Variants in TLDC2 observed in about 807,000 individuals in gnomAD.
The protein encoded by TLDC2 is TBC/LysM-associated domain containing 2.
Under a neutral mutation model 27.9 loss-of-function variants are expected in TLDC2, and 23 were observed. The ratio of observed to expected loss-of-function variants is 0.82; its 90% CI spans 0.59 to 1.17. The LOEUF is 1.17. TLDC2 is among the 50% of genes most tolerant of loss of function. TLDC2 has a pLI of 0.00. For missense variants in TLDC2, 286 were observed against 273.4 expected, an observed-to-expected ratio of 1.05 and a Z score of -0.32; for synonymous variants, 124 against 107.4, an observed-to-expected ratio of 1.16 and a Z score of -0.96.
intron 4 of TLDC2, among the ~76,000 whole-genome samples, chr20:36,884,494 C>T (rs888228120): frequency 8.6e-5 from 13 of 151,982 alleles, no homozygotes; most frequent in Non-Finnish European, 1.2e-4. Flanking sequence ...TGGTGGCTCA[C>T]GTCTGTAATC....
chr20:36,890,416 T>C (rs1055236178), intron 6 of TLDC2: 1 of 150,800 alleles, frequency 6.6e-6, no homozygotes, highest in African/African-American at 2.4e-5. Flanking sequence ...CTTTCTTTCT[T>C]TCTTTTCTTT....
At position 36,893,298 on chromosome 20, in the gene TLDC2, A is replaced by G; in HGVS notation, c.*454A>G. The G allele has an allele frequency of 1.7e-6, 1 of 581,650 alleles. No individual in the cohort carries two copies. The highest frequency in any genetic ancestry group is 2.9e-5 in the Admixed American group (1 of 33,960). 36.0% of individuals were successfully genotyped at this position (581,650 alleles called of 1,614,324 possible). ...TGAAAACAGCCACTGGCCTCTGCAG[A>G]GATGACTGGGAGCAGCATACCACTG... On this transcript the variant is annotated 3_prime_UTR_variant, in exon 7 of 7. Coordinates refer to ENST00000217320, the MANE Select transcript of TLDC2 (RefSeq NM_080628.3).
In TLDC2 at chr20:36,877,889, G is replaced by A. The variant is rs1267429348; in HGVS notation, c.34-10G>A. On this transcript the variant is annotated splice_polypyrimidine_tract_variant and intron_variant, in intron 1 of 6. Transcript: ENST00000217320. ...CCCTGGACACACCAGGCCACTTTGTGTTTTTGCAGCCCAGCCAGGTGGAGG... is the reference window on the plus strand; with the variant it reads ...CCCTGGACACACCAGGCCACTTTGTATTTTTGCAGCCCAGCCAGGTGGAGG... 1.2e-6 allele frequency: 2 copies of A among 1,609,858 alleles called. No individual in the cohort carries two copies. Among genetic ancestry groups the A allele is most frequent in the South Asian group, 1.1e-5 (1 of 90,488 alleles).
intron 3 of TLDC2, among the ~76,000 whole-genome samples, chr20:36,880,071 A>ATATATATATATATATATATATG (rs1989770776): frequency 2.8e-4 from 9 of 32,402 alleles, no homozygotes; most frequent in Admixed American, 7.8e-4. Flanking sequence ...ATATATATAC[A>ATATATATATATATATATATATG]TATATATATA....
chr20:36,878,192 GCTT>G, intron 2 of TLDC2, 138 bp downstream of exon 2: 2 of 952,112 alleles, frequency 2.1e-6, no homozygotes, highest in Non-Finnish European at 1.5e-6. Context: ...CCGGCAAATT[GCTT>G]CTTCTCTCGG....
chr20:36,884,498 T>C (rs1477376041), intron 4 of TLDC2, among the ~76,000 whole-genome samples: 2 of 152,152 alleles, frequency 1.3e-5, no homozygotes, highest in Non-Finnish European at 2.9e-5. Context: ...GGCTCACGTC[T>C]GTAATCCCAG....
intron 4 of TLDC2, among the ~76,000 whole-genome samples, chr20:36,883,233 C>T (rs1342697039): frequency 6.6e-6 from 1 of 151,802 alleles, no homozygotes; most frequent in East Asian, 1.9e-4. Flanking sequence ...ACCTCCTGGG[C>T]TCAATTGATC....
intron 3 of TLDC2, among the ~76,000 whole-genome samples, chr20:36,880,103 T>A (rs1217552370): frequency 5.5e-4 from 3 of 5,480 alleles, no homozygotes; most frequent in East Asian, 3.1e-3. Flanking sequence ...ATATATATAC[T>A]TTTTTTTTGA....
intron 4 of TLDC2, among the ~76,000 whole-genome samples, chr20:36,881,501 GA>G (rs1175353809): frequency 6.6e-6 from 1 of 152,214 alleles, no homozygotes; most frequent in Non-Finnish European, 1.5e-5. Context: ...CGGAGCAGCA[GA>G]AGCGCCGCTG....
Position 36,878,665 on chromosome 20 carries a change from G to A in TLDC2, c.190-376G>A, listed in dbSNP as rs532415957. On this transcript the variant is annotated intron_variant, in intron 2 of 6. Transcript: ENST00000217320. The stretch of plus-strand genomic sequence containing the variant: ...CAAAGCTGGAGAGGGGTGGGCGGAT[G>A]AGACGGAGGATCAGGAGGAGGGTTC... Among the ~76,000 whole-genome samples, 6 of 152,142 alleles carry A rather than the reference G, an allele frequency of 3.9e-5. 1 individual carries two copies. Among genetic ancestry groups the A allele is most frequent in the Non-Finnish European group, 7.4e-5 (5 of 68,004 alleles).
Position 36,876,202 on chromosome 20 carries a change from C to G in TLDC2, c.28C>G (p.Arg10Gly), listed in dbSNP as rs757731171. ...GAGAGGCCTCCGCTGGCGTTACACT[C>G]GGCTGGTAAGGGTTCCAACTCCGTC... The part of the protein sequence containing the change: MRGLRWRYT[R>G]LPSQVEDTLS... Residue 10 changes from arginine to glycine, a missense_variant, in exon 1 of 7, where the codon CGG becomes GGG. Coordinates refer to ENST00000217320, the MANE Select transcript of TLDC2 (RefSeq NM_080628.3). The G allele has an allele frequency of 6.2e-7, 1 of 1,614,134 alleles. No individual in the cohort carries two copies. The highest frequency in any genetic ancestry group is 8.5e-7 in the Non-Finnish European group (1 of 1,179,994).
Position 36,887,547 on chromosome 20 carries a change from C to A in TLDC2, c.512+19C>A. ...GTGGCAGGTGAGTGTCTCAGTCTTCCCGAGTCTTGGGGCGGTCTGTGTTCT... is the reference window on the plus strand; with the variant it reads ...GTGGCAGGTGAGTGTCTCAGTCTTCACGAGTCTTGGGGCGGTCTGTGTTCT... On this transcript the variant is annotated intron_variant, in intron 5 of 6. Coordinates refer to ENST00000217320, the MANE Select transcript of TLDC2 (RefSeq NM_080628.3). 2 of 1,611,580 alleles carry A rather than the reference C, an allele frequency of 1.2e-6. No individual in the cohort carries two copies. Among genetic ancestry groups the A allele is most frequent in the South Asian group, 2.2e-5 (2 of 91,016 alleles).
chr20:36,880,307 T>G (rs1989785424), intron 3 of TLDC2, among the ~76,000 whole-genome samples: 1 of 151,672 alleles, frequency 6.6e-6, no homozygotes, highest in South Asian at 2.1e-4. Flanking sequence ...TTGGCCAGAT[T>G]GGTCTTGAAC....
chr20:36,880,742 C>A lies in TLDC2; in HGVS notation c.430C>A (p.Gln144Lys). The change falls in exon 4 of 7, where the codon CAG becomes AAG. Residue 144 changes from glutamine to lysine, a missense_variant. Coordinates refer to ENST00000217320, the MANE Select transcript of TLDC2 (RefSeq NM_080628.3). ...GETFLFSFSPQLKVFKWTGSN... is the reference protein window; with the variant it reads ...GETFLFSFSPKLKVFKWTGSN... ...GACATTCCTCTTCTCCTTCTCCCCA[C>A]AGCTGAAGGTGATGTTCCCAACCTT... 6.2e-7 allele frequency: 1 copy of A among 1,614,028 alleles called. No homozygotes were observed. Among genetic ancestry groups the A allele is most frequent in the South Asian group, 1.1e-5 (1 of 91,086 alleles).
chr20:36,878,137 G>T (rs887825782), intron 2 of TLDC2, 83 bp downstream of exon 2: 16 of 1,455,606 alleles, frequency 1.1e-5, no homozygotes, highest in South Asian at 4.1e-5. Context: ...CCACGCCCAG[G>T]GGCACCTAGA....
chr20:36,893,021 A>G lies in TLDC2; in HGVS notation c.*177A>G. The G allele has an allele frequency of 1.2e-6, 2 of 1,614,040 alleles. No individual in the cohort carries two copies. The highest frequency in any genetic ancestry group is 1.7e-6 in the Non-Finnish European group (2 of 1,180,022). The stretch of plus-strand genomic sequence containing the variant: ...TTTTGGACTGAAGTACTGTCGTTCC[A>G]TTCCTTTTTTTGAGGTGTTATGAGT... On this transcript the variant is annotated 3_prime_UTR_variant, in exon 7 of 7. Transcript: ENST00000217320.
rs1322137511 is a variant in TLDC2, at chr20:36,892,957, T to C, written c.*113T>C. On this transcript the variant is annotated 3_prime_UTR_variant, in exon 7 of 7. Coordinates refer to ENST00000217320, the MANE Select transcript of TLDC2 (RefSeq NM_080628.3). ...TCACATTGGGTCATCTTTAAAAAGC[T>C]GGACTCTGCTTTTGGATGCTTCTCG... 10 of 1,614,124 alleles carry C rather than the reference T, an allele frequency of 6.2e-6. No individual in the cohort carries two copies. The highest frequency in any genetic ancestry group is 7.6e-6 in the Non-Finnish European group (9 of 1,180,032).
At chr20:36,884,798 A>C (rs1286583430) in intron 4 of TLDC2, among the ~76,000 whole-genome samples, 3 of 150,480 alleles carry the variant, frequency 2.0e-5, no homozygotes, top group Non-Finnish European at 3.0e-5. Flanking sequence ...TAAATAAATA[A>C]AATGACAACA....
intron 6 of TLDC2, 167 bp downstream of exon 6, chr20:36,889,570 C>A: frequency 1.4e-6 from 1 of 732,228 alleles, no homozygotes; most frequent in Non-Finnish European, 2.1e-6. Context: ...TGCTCTTTTG[C>A]AGAGGTGACT....
Sources: gnomAD v4.1 joint callset for allele counts (sites outside exome capture counted in the v4.1 genomes callset) on GRCh38, gnomAD v4.1.1 for gene constraint, MANE v1.5 for transcripts, NCBI Gene and HGNC (gene_info 2026-07-23, HGNC 2026-07-21) for gene names.